The following CA12 variants were observed in gnomAD, a reference collection of about 807,000 sequenced individuals.
CA12 encodes the protein carbonic anhydrase 12, also known as carbonate dehydratase XII.
CA12 carries 36 observed loss-of-function variants against 46.8 expected under a neutral mutation model. The ratio of observed to expected loss-of-function variants is 0.77; its 90% CI spans 0.59 to 1.02. The LOEUF (loss-of-function observed/expected upper bound fraction) is 1.02, where lower values mean the gene tolerates loss of function less well. CA12 is among the 50% of genes least tolerant of loss of function. The probability of loss-of-function intolerance (pLI) is 0.00; values close to 1 mark genes in which losing one functional copy is unlikely to be tolerated. For synonymous variants in CA12, 202 were observed against 187.0 expected, an observed-to-expected ratio of 1.08 and a Z score of -0.65; for missense variants, 436 against 451.4, an observed-to-expected ratio of 0.97 and a Z score of 0.31.
In CA12 at chr15:63,322,325, A is replaced by G. The variant is rs1015539928; in HGVS notation, c.*3960T>C. The G allele has an allele frequency of 2.6e-5, 4 of 152,162 alleles. No homozygotes were observed. Among genetic ancestry groups the G allele is most frequent in the Non-Finnish European group, 4.4e-5 (3 of 68,032 alleles). 9.4% of individuals were successfully genotyped at this position (152,162 alleles called of 1,614,324 possible). On this transcript the variant is annotated 3_prime_UTR_variant, in exon 11 of 11. Coordinates refer to ENST00000178638, the MANE Select transcript of CA12 (RefSeq NM_001218.5). The surrounding 1 kb of genome is among the most constrained non-coding windows in gnomAD (Gnocchi z 4.1). Reference sequence around the variant, plus strand: ...ACTGCAGAAAAAAACACATGAAAATACTGGTTACATGTGGAAATGATAGTA... The same window carrying G: ...ACTGCAGAAAAAAACACATGAAAATGCTGGTTACATGTGGAAATGATAGTA...
chr15:63,344,270 T>G (rs1405682951), intron 4 of CA12, among the ~76,000 whole-genome samples: 1 of 152,176 alleles, frequency 6.6e-6, no homozygotes, highest in African/African-American at 2.4e-5. Context: ...TTTTAAACAT[T>G]TCTCCCTCTT....
At chr15:63,358,142 C>T (rs1398227709) in intron 2 of CA12, among the ~76,000 whole-genome samples, 2 of 152,200 alleles carry the variant, frequency 1.3e-5, no homozygotes, top group Non-Finnish European at 2.9e-5. Context: ...TATGGATTCT[C>T]TTGTGTAAAA....
intron 2 of CA12, among the ~76,000 whole-genome samples, chr15:63,362,346 C>T (rs542595887): frequency 1.6e-4 from 24 of 152,298 alleles, no homozygotes; most frequent in African/African-American, 5.5e-4. Context: ...ACTAATATGA[C>T]CAAAGTCACA....
chr15:63,354,940 A>G (rs1381595651), intron 2 of CA12, among the ~76,000 whole-genome samples: 1 of 152,164 alleles, frequency 6.6e-6, no homozygotes, highest in African/African-American at 2.4e-5. Context: ...GCAGTCATTT[A>G]CACACTGGTG....
In CA12 at chr15:63,381,766, C is replaced by A; in HGVS notation, c.-46G>T. The A allele has an allele frequency of 7.4e-7, 1 of 1,359,438 alleles. No individual in the cohort carries two copies. Among genetic ancestry groups the A allele is most frequent in the Non-Finnish European group, 9.8e-7 (1 of 1,016,064 alleles). 84.2% of individuals were successfully genotyped at this position (1,359,438 alleles called of 1,614,324 possible). On this transcript the variant is annotated 5_prime_UTR_variant, in exon 1 of 11. Transcript: ENST00000178638. Reference sequence around the variant, plus strand: ...CGGGCGCGGGCTGTGCCGGGGGCTCCCGGTGGCCGCTCGCTCTCCAGCTGC... The same window carrying A: ...CGGGCGCGGGCTGTGCCGGGGGCTCACGGTGGCCGCTCGCTCTCCAGCTGC...
Position 63,327,281 on chromosome 15 carries a change from A to G in CA12, c.908-48T>C. 3 of 1,463,100 alleles carry G rather than the reference A, an allele frequency of 2.1e-6. No homozygotes were observed. The highest frequency in any genetic ancestry group is 2.9e-6 in the Non-Finnish European group (3 of 1,050,752). 90.6% of individuals were successfully genotyped at this position (1,463,100 alleles called of 1,614,324 possible). A position where few individuals can be genotyped will look rare whatever the true frequency, so the allele number is the denominator to read the frequency against. ...ACATTACATTCCTTCCTTCCCCTCC[A>G]TCTTAGCCCATGGCCCCCGGGTGTG... On this transcript the variant is annotated intron_variant, in intron 9 of 10. Coordinates refer to ENST00000178638, the MANE Select transcript of CA12 (RefSeq NM_001218.5). The surrounding 1 kb of genome is among the most constrained non-coding windows in gnomAD (Gnocchi z 4.5).
chr15:63,375,811 CTTT>C (rs200331670), intron 1 of CA12, 133 bp from the exon 2 acceptor site: 246 of 506,986 alleles, frequency 4.9e-4, no homozygotes, highest in East Asian at 6.0e-4. Flanking sequence ...TTTTCTTTTT[CTTT>C]TTTTTTTTTT....
intron 2 of CA12, among the ~76,000 whole-genome samples, chr15:63,364,332 G>GAAATAAAAAAAAA (rs2039408329): frequency 1.8e-5 from 1 of 56,138 alleles, no homozygotes; most frequent in Non-Finnish European, 3.0e-5. Flanking sequence ...CCCGTCACTA[G>GAAATAAAAAAAAA]AAAAAAAAAA....
rs367842653 is a variant in CA12, at chr15:63,381,643, T to A, written c.78A>T (p.Pro26=). The change falls in exon 1 of 11, where the codon CCA becomes CCT. Residue 26 remains proline (P), a synonymous_variant. Coordinates refer to ENST00000178638, the MANE Select transcript of CA12 (RefSeq NM_001218.5). The part of the protein sequence containing the change: ...ILKEQPSSPA[P]VNGSKWTYFG... ...AGCAGGCGGAAACTTTACCGTTCAC[T>A]GGGGCCGGGCTGGAAGGCTGTTCCT... is the stretch of plus-strand genomic sequence containing the variant. 38 of 1,611,100 alleles carry A rather than the reference T, an allele frequency of 2.4e-5. No homozygotes were observed. The highest frequency in any genetic ancestry group is 3.1e-5 in the Non-Finnish European group (37 of 1,178,736).
rs1234115391 is a variant in CA12, at chr15:63,328,147, A to C, written c.875-17T>G. 6.2e-7 allele frequency: 1 copy of C among 1,613,244 alleles called. No homozygotes were observed. The highest frequency in any genetic ancestry group is 1.1e-5 in the South Asian group (1 of 91,048). On this transcript the variant is annotated splice_polypyrimidine_tract_variant and intron_variant, in intron 8 of 10. Transcript: ENST00000178638. The surrounding 1 kb of genome is among the most constrained non-coding windows in gnomAD (Gnocchi z 5.9). ...AGACTTGCACTTAAAAGGGGAGAGG[A>C]AAAGACGAGGTTACTCTAGAGTCAA...
chr15:63,375,807 T>C (rs2039563204), intron 1 of CA12, 129 bp from the exon 2 acceptor site: 1 of 704,538 alleles, frequency 1.4e-6, no homozygotes, highest in Non-Finnish European at 2.5e-6. Context: ...AACTTTTTCT[T>C]TTTCTTTTTT....
chr15:63,352,810 G>T (rs903621116), intron 2 of CA12, among the ~76,000 whole-genome samples: 1 of 152,136 alleles, frequency 6.6e-6, no homozygotes, highest in African/African-American at 2.4e-5. Context: ...TTGTAAGGAG[G>T]TCTGACCATA....
At chr15:63,370,925 C>T (rs902659490) in intron 2 of CA12, among the ~76,000 whole-genome samples, 1 of 152,200 alleles carries the variant, frequency 6.6e-6, no homozygotes, top group Non-Finnish European at 1.5e-5. Context: ...GCCTCCCTCC[C>T]TTTGATAGAG....
In CA12 at chr15:63,326,141, C is replaced by A. The variant is rs2038862854; in HGVS notation, c.*144G>T. 1 of 711,526 alleles carries A rather than the reference C, an allele frequency of 1.4e-6. No homozygotes were observed. The highest frequency in any genetic ancestry group is 1.7e-5 in the African/African-American group (1 of 57,488). The allele number at this position is 711,526 out of a possible 1,614,324, so 44.1% of individuals were successfully genotyped here. On this transcript the variant is annotated 3_prime_UTR_variant, in exon 11 of 11. Transcript: ENST00000178638. Reference sequence around the variant, plus strand: ...GCCATGGTCCCAAGGCAAGGAGGCACCCAGCAGAGGATCCCTGAGGCCTGG... The same window carrying A: ...GCCATGGTCCCAAGGCAAGGAGGCAACCAGCAGAGGATCCCTGAGGCCTGG...
intron 8 of CA12, among the ~76,000 whole-genome samples, chr15:63,336,946 T>G (rs1210271695): frequency 1.3e-5 from 2 of 152,198 alleles, no homozygotes; most frequent in African/African-American, 4.8e-5. Context: ...AGTTTTTATG[T>G]TTTTGGTTTT....
chr15:63,341,868 C>T lies in CA12; in HGVS notation c.525+134G>A. On this transcript the variant is annotated intron_variant, in intron 5 of 10. Coordinates refer to ENST00000178638, the MANE Select transcript of CA12 (RefSeq NM_001218.5). The surrounding 1 kb of genome is among the most constrained non-coding windows in gnomAD (Gnocchi z 5.2). The stretch of plus-strand genomic sequence containing the variant: ...GAGAAGGTGCACTACAGGAGGATAC[C>T]CCCTGCTCTGGAGTTGACACGGAGT... 1.4e-6 allele frequency: 1 copy of T among 709,850 alleles called. No individual in the cohort carries two copies. Among genetic ancestry groups the T allele is most frequent in the African/African-American group, 1.7e-5 (1 of 57,272 alleles). 44.0% of individuals were successfully genotyped at this position (709,850 alleles called of 1,614,324 possible). A position where few individuals can be genotyped will look rare whatever the true frequency, so the allele number is the denominator to read the frequency against.
intron 8 of CA12, among the ~76,000 whole-genome samples, chr15:63,335,122 T>G (rs1178199261): frequency 6.6e-6 from 1 of 152,202 alleles, no homozygotes; most frequent in East Asian, 1.9e-4. Context: ...GAAACAGTTT[T>G]GCCTGTTAAA....
intron 1 of CA12, among the ~76,000 whole-genome samples, chr15:63,380,890 G>T (rs1383221917): frequency 6.6e-6 from 1 of 152,176 alleles, no homozygotes; most frequent in Non-Finnish European, 1.5e-5. Context: ...CACTGGCCCG[G>T]CGTGAGCCCA....
At chr15:63,343,455 A>C (rs1408247663) in intron 4 of CA12, among the ~76,000 whole-genome samples, 4 of 151,514 alleles carry the variant, frequency 2.6e-5, no homozygotes, top group Non-Finnish European at 5.9e-5. Context: ...CTAATTTTGC[A>C]TTTTTAGTAG....
Sources: gnomAD v4.1 joint callset for allele counts (sites outside exome capture counted in the v4.1 genomes callset) on GRCh38, gnomAD v4.1.1 for gene constraint, Gnocchi (gnomAD v3.1) non-coding constraint, MANE v1.5 for transcripts, NCBI Gene and HGNC (gene_info 2026-07-23, HGNC 2026-07-21) for gene names.